Variants in ERICH1 observed in about 807,000 individuals in gnomAD.
ERICH1 encodes the protein glutamate rich 1, also known as glutamate-rich protein 1.
Under a neutral mutation model 39.6 loss-of-function variants are expected in ERICH1, and 56 were observed. The ratio of observed to expected loss-of-function variants is 1.41; its 90% CI spans 1.14 to 1.77. The LOEUF is 1.77. Ranked by LOEUF, ERICH1 falls within the 40% of genes most tolerant of loss-of-function variation. The pLI is 0.00. For synonymous variants in ERICH1, 313 were observed against 223.6 expected (o/e 1.40, Z -3.57); for missense variants, 826 against 575.4 (o/e 1.44, Z -4.45).
At chr8:705,656 G>A (rs567902987) in intron 2 of ERICH1, among the ~76,000 whole-genome samples, 33 of 138,994 alleles carry the variant, frequency 2.4e-4, no homozygotes, top group African/African-American at 6.1e-4. Flanking sequence ...TGTCAACATC[G>A]TATTAGAACT....
At chr8:635,858 C>G (rs1057433656) in intron 3 of ERICH1, among the ~76,000 whole-genome samples, 1 of 152,254 alleles carries the variant, frequency 6.6e-6, no homozygotes. Flanking sequence ...TCAACCAACT[C>G]TGGATCCAAA....
intron 3 of ERICH1, among the ~76,000 whole-genome samples, chr8:651,212 A>C (rs1302977429): frequency 6.6e-6 from 1 of 152,162 alleles, no homozygotes; most frequent in East Asian, 1.9e-4. Flanking sequence ...GTTCAGCTCA[A>C]GTTGTTAGTC....
chr8:683,123 C>G (rs336444), intron 3 of ERICH1, among the ~76,000 whole-genome samples: 137,822 of 152,226 alleles, frequency 0.91, 62,505 homozygotes, highest in South Asian at 0.95. Context: ...GCGGACACTC[C>G]GGCCTGCTGA....
At chr8:640,343 T>C (rs1392690623) in intron 3 of ERICH1, among the ~76,000 whole-genome samples, 2 of 152,224 alleles carry the variant, frequency 1.3e-5, no homozygotes, top group Admixed American at 1.3e-4. Context: ...GGGCGAGCTC[T>C]CTCCGCCTGC....
rs548846300 is a variant in ERICH1 at position 672,364 on chromosome 8, T to C, written c.1063+925A>G. ...AGAAACACGCTAAAGAGGAAGAGGC[T>C]AGAGTGCTCTTCGTGTTGAAATCAA... is the stretch of plus-strand genomic sequence containing the variant. On this transcript the variant is annotated intron_variant, in intron 4 of 5. Coordinates refer to ENST00000262109, the MANE Select transcript of ERICH1 (RefSeq NM_207332.3). Among the ~76,000 whole-genome samples the C allele has an allele frequency of 3.9e-5, 6 of 152,376 alleles. No homozygotes were observed. In the South Asian group the frequency reaches 1.2e-3, roughly 32 times the overall value.
chr8:716,474 C>G (rs532516945), intron 1 of ERICH1, among the ~76,000 whole-genome samples: 1 of 152,332 alleles, frequency 6.6e-6, no homozygotes, highest in East Asian at 1.9e-4. Flanking sequence ...CAGGCACCAC[C>G]CCGCGCCCTC....
intron 3 of ERICH1, among the ~76,000 whole-genome samples, chr8:687,681 G>A (rs567147163): frequency 6.6e-6 from 1 of 152,326 alleles, no homozygotes; most frequent in South Asian, 2.1e-4. Flanking sequence ...GCAGGACGCA[G>A]CGCTGACCGG....
At chr8:630,892 GACAGAGCTGACTCACACCCTCCCGTGAC>G (rs1797981560) in intron 3 of ERICH1, among the ~76,000 whole-genome samples, 3 of 134,740 alleles carry the variant, frequency 2.2e-5, no homozygotes, top group Non-Finnish European at 1.6e-5. Context: ...ACCACCCACA[GACAGAGCTGACTCACACCCTCCCGTGAC>G]CACCCACACA....
At chr8:698,055 G>A (rs945426464) in intron 2 of ERICH1, among the ~76,000 whole-genome samples, 39 of 152,194 alleles carry the variant, frequency 2.6e-4, no homozygotes, top group African/African-American at 8.7e-4. Flanking sequence ...GGGGGTGGGT[G>A]TAGAGAGGAG....
chr8:634,743 G>A (rs1376634187), intron 3 of ERICH1, among the ~76,000 whole-genome samples: 11 of 152,306 alleles, frequency 7.2e-5, no homozygotes, highest in African/African-American at 2.4e-4. Flanking sequence ...TGAGTCCCAC[G>A]CGGGATGACC....
At chr8:617,499 A>C (rs752015498) in intron 3 of ERICH1, among the ~76,000 whole-genome samples, 3 of 152,072 alleles carry the variant, frequency 2.0e-5, no homozygotes, top group African/African-American at 4.8e-5. Context: ...CTTCCCTCTG[A>C]ATGCTGAGGG....
In ERICH1 at chr8:664,627, GAT is replaced by G; in HGVS notation, c.1306_1307del (p.Ile436ProfsTer3). 6.2e-7 allele frequency: 1 copy of G among 1,612,898 alleles called. No individual in the cohort carries two copies. Among genetic ancestry groups the G allele is most frequent in the Non-Finnish European group, 8.5e-7 (1 of 1,179,658 alleles). On this transcript the variant is annotated frameshift_variant, in exon 6 of 6. Coordinates refer to ENST00000262109, the MANE Select transcript of ERICH1 (RefSeq NM_207332.3). LOFTEE classifies it high-confidence loss of function. ...TTTAGTCACTGCTCTTCTCAGGAAG[GAT>G]ATGTGTGATCCAGTAACTAAAGAAA... Reference protein sequence around the residue: ...SAFFSYWITHILPEKSSD With the variant: ...SAFFSYWITHXLPEKSSD
intron 3 of ERICH1, among the ~76,000 whole-genome samples, chr8:629,228 G>A (rs556529886): frequency 1.4e-4 from 21 of 152,246 alleles, no homozygotes; most frequent in Non-Finnish European, 2.4e-4. Context: ...CAACAAAAAT[G>A]GCCAACAGGC....
rs538080669 is a variant in ERICH1, at chr8:656,833, G to A, written c.976+11765C>T. On this transcript the variant is annotated intron_variant, in intron 3 of 3. Transcript: ENST00000522706. ...GACTCCCTCACTCTGAAGAGCCCCC[G>A]GGGAGCCCCCCAGCATGCTCCAGCC... 156 of 985,238 alleles carry A rather than the reference G, an allele frequency of 1.6e-4. No individual in the cohort carries two copies. The African/African-American group carries it at 2.3e-3, about 14-fold the overall frequency. The allele number at this position is 985,238 out of a possible 1,614,324, so 61.0% of individuals were successfully genotyped here.
rs1024746707 is a variant in ERICH1 at position 643,982 on chromosome 8, C to T, written c.976+24616G>A. Among the ~76,000 whole-genome samples, 3 of 152,146 alleles carry T rather than the reference C, an allele frequency of 2.0e-5. No homozygotes were observed. The East Asian group carries it at 5.8e-4, about 29-fold the overall frequency. ...CACCAGCACGGTGGGCCTGACGGGG[C>T]GGGGGCGGCTCTGCAGGAGCAGGAG... On this transcript the variant is annotated intron_variant, in intron 3 of 3. Coordinates refer to the ERICH1 transcript ENST00000522706.
chr8:704,146 G>A (rs1302355417), intron 2 of ERICH1, among the ~76,000 whole-genome samples: 2 of 152,076 alleles, frequency 1.3e-5, no homozygotes, highest in African/African-American at 4.8e-5. Flanking sequence ...TTAAGTACAA[G>A]AATTAAGGTA....
intron 3 of ERICH1, among the ~76,000 whole-genome samples, chr8:625,106 T>C (rs917998211): frequency 3.3e-5 from 5 of 152,132 alleles, no homozygotes; most frequent in Admixed American, 6.6e-5. Flanking sequence ...CATGATCCAA[T>C]CACTCCCACC....
At chr8:706,158 CT>C (rs1813229829) in intron 2 of ERICH1, among the ~76,000 whole-genome samples, 1 of 152,200 alleles carries the variant, frequency 6.6e-6, no homozygotes, top group African/African-American at 2.4e-5. Context: ...TGTAAGCGCA[CT>C]TTGCTCACAC....
chr8:678,977 G>T (rs958269344), intron 3 of ERICH1, among the ~76,000 whole-genome samples: 1 of 151,484 alleles, frequency 6.6e-6, no homozygotes, highest in Non-Finnish European at 1.5e-5. Context: ...CTTCAGCTCC[G>T]ACCCCTCACA....
Sources: allele counts gnomAD v4.1 joint callset (sites outside exome capture counted in the v4.1 genomes callset), GRCh38; gene constraint gnomAD v4.1.1; transcripts MANE v1.5; gene names NCBI Gene and HGNC (gene_info 2026-07-23, HGNC 2026-07-21).